Variants in NR3C1 observed in about 807,000 individuals in gnomAD.
NR3C1 encodes the protein nuclear receptor subfamily 3 group C member 1.
NR3C1 carries 14 observed loss-of-function variants against 74.0 expected under a neutral mutation model. The observed-to-expected ratio is 0.19, with a 90% CI of 0.12 to 0.30. The LOEUF is 0.30. Among genes scored for constraint, NR3C1 ranks in the 10% least tolerant of loss-of-function variants. The pLI is 1.00. For synonymous variants in NR3C1, 308 were observed against 332.5 expected, an observed-to-expected ratio of 0.93 and a Z score of 0.80; for missense variants, 695 against 909.8, an observed-to-expected ratio of 0.76 and a Z score of 3.04.
In NR3C1 at chr5:143,354,827, G is replaced by A. The variant is rs150946446; in HGVS notation, c.1185-40659C>T. Among the ~76,000 whole-genome samples the A allele has an allele frequency of 5.3e-3, 811 of 151,646 alleles. 12 individuals carry two copies. The highest frequency in any genetic ancestry group is 0.019 in the African/African-American group (794 of 41,252). On this transcript the variant is annotated intron_variant, in intron 2 of 8. Coordinates refer to ENST00000394464, the MANE Select transcript of NR3C1 (RefSeq NM_000176.3). Reference sequence around the variant, plus strand: ...AGGCCCGGCTACTGGGGAGGCTGAGGCAGGAGGATTGCTTGAACCTGGGAG... The same window carrying A: ...AGGCCCGGCTACTGGGGAGGCTGAGACAGGAGGATTGCTTGAACCTGGGAG...
chr5:143,283,660 A>C (rs1813631969), intron 7 of NR3C1, among the ~76,000 whole-genome samples: 1 of 152,190 alleles, frequency 6.6e-6, no homozygotes, highest in Admixed American at 6.5e-5. Flanking sequence ...CCTTATGTAC[A>C]TGGATTCTGG....
chr5:143,393,006 A>G (rs1000862426), intron 2 of NR3C1, among the ~76,000 whole-genome samples: 12 of 152,126 alleles, frequency 7.9e-5, no homozygotes, highest in African/African-American at 2.9e-4. Context: ...ATGGATCTCA[A>G]TTTCTCATTC....
chr5:143,279,063 G>T lies in NR3C1; in HGVS notation c.*2826C>A. ...TTGTTGTGAGTAACCAACTCTCACTGAAGTTACTACAAACTTCAACAGTTT... is the reference window on the plus strand; with the variant it reads ...TTGTTGTGAGTAACCAACTCTCACTTAAGTTACTACAAACTTCAACAGTTT... On this transcript the variant is annotated 3_prime_UTR_variant, in exon 9 of 9. Transcript: ENST00000394464. 1 of 377,206 alleles carries T rather than the reference G, an allele frequency of 2.7e-6. No individual in the cohort carries two copies. The highest frequency in any genetic ancestry group is 4.7e-6 in the Non-Finnish European group (1 of 211,842). 23.4% of individuals were successfully genotyped at this position (377,206 alleles called of 1,614,324 possible).
At chr5:143,288,801 A>C (rs764918561) in intron 7 of NR3C1, among the ~76,000 whole-genome samples, 13 of 152,102 alleles carry the variant, frequency 8.5e-5, no homozygotes, top group Non-Finnish European at 1.9e-4. Context: ...GAGATTGTCA[A>C]GCTAATTAAA....
At chr5:143,411,272 A>G (rs1841282912) in intron 1 of NR3C1, among the ~76,000 whole-genome samples, 5 of 152,226 alleles carry the variant, frequency 3.3e-5, no homozygotes, top group Admixed American at 3.3e-4. Flanking sequence ...CTAGACTGAC[A>G]GAGTAGAAGA....
intron 2 of NR3C1, among the ~76,000 whole-genome samples, chr5:143,379,331 G>T (rs1835772214): frequency 6.6e-6 from 1 of 152,118 alleles, no homozygotes; most frequent in Non-Finnish European, 1.5e-5. Flanking sequence ...TGCCTATCAG[G>T]AAGATTAACT....
At chr5:143,346,924 A>G (rs1829396613) in intron 2 of NR3C1, among the ~76,000 whole-genome samples, 1 of 152,228 alleles carries the variant, frequency 6.6e-6, no homozygotes, top group Non-Finnish European at 1.5e-5. Context: ...GCTAATGAAA[A>G]TCGACTTCTG....
chr5:143,292,524 T>TA (rs1237037099), intron 7 of NR3C1, among the ~76,000 whole-genome samples: 1 of 152,166 alleles, frequency 6.6e-6, no homozygotes, highest in African/African-American at 2.4e-5. Context: ...CTGCTACGTA[T>TA]TTCCAAATTT....
intron 1 of NR3C1, among the ~76,000 whole-genome samples, chr5:143,431,192 G>A (rs1172280968): frequency 6.6e-6 from 1 of 152,026 alleles, no homozygotes; most frequent in African/African-American, 2.4e-5. Context: ...GGAGCTTCTG[G>A]GGAGAGAGAT....
intron 2 of NR3C1, among the ~76,000 whole-genome samples, chr5:143,384,339 T>C (rs996922796): frequency 4.6e-5 from 7 of 152,288 alleles, no homozygotes; most frequent in Admixed American, 4.6e-4. Context: ...CTAAATCTCA[T>C]GTTCTTACAT....
At position 143,281,530 on chromosome 5, in the gene NR3C1, T is replaced by C; in HGVS notation, c.*359A>G. ...CTAGAAAATTTCATCCAGCCAACTG[T>C]GAAAAAAAGTATGAAGAGAAAGTTC... On this transcript the variant is annotated 3_prime_UTR_variant, in exon 9 of 9. Coordinates refer to ENST00000394464, the MANE Select transcript of NR3C1 (RefSeq NM_000176.3). The C allele has an allele frequency of 4.1e-6, 1 of 244,028 alleles. No homozygotes were observed. The highest frequency in any genetic ancestry group is 8.1e-6 in the Non-Finnish European group (1 of 123,610). 15.1% of individuals were successfully genotyped at this position (244,028 alleles called of 1,614,324 possible).
chr5:143,379,036 A>G lies in NR3C1; in HGVS notation c.1184+20620T>C, dbSNP rs10042038. 4.3e-3 allele frequency among the ~76,000 whole-genome samples: 661 copies of G among 152,304 alleles called. 2 individuals carry two copies. Among genetic ancestry groups the G allele is most frequent in the African/African-American group, 0.015 (632 of 41,562 alleles). On this transcript the variant is annotated intron_variant, in intron 2 of 8. Coordinates refer to ENST00000394464, the MANE Select transcript of NR3C1 (RefSeq NM_000176.3). ...ACCCCAAGGAGACTTTTGGATTTGT[A>G]TCTCTTAACTCTGAGCCTCAACCAT...
At chr5:143,411,765 G>A (rs1020098031) in intron 1 of NR3C1, among the ~76,000 whole-genome samples, 1 of 152,144 alleles carries the variant, frequency 6.6e-6, no homozygotes, top group African/African-American at 2.4e-5. Flanking sequence ...CTCAGGAGCT[G>A]TTAAACATTT....
At chr5:143,316,209 T>G (rs1195180265) in intron 2 of NR3C1, among the ~76,000 whole-genome samples, 1 of 152,194 alleles carries the variant, frequency 6.6e-6, no homozygotes, top group South Asian at 2.1e-4. Flanking sequence ...AGGAAGGTCC[T>G]GGAACAGTGA....
At chr5:143,398,305 A>G (rs1308705348) in intron 2 of NR3C1, among the ~76,000 whole-genome samples, 2 of 151,504 alleles carry the variant, frequency 1.3e-5, no homozygotes, top group Non-Finnish European at 3.0e-5. Context: ...TATTTAAACA[A>G]TAGATTAGGA....
chr5:143,431,623 C>T (rs529331563), intron 1 of NR3C1, among the ~76,000 whole-genome samples: 28 of 152,032 alleles, frequency 1.8e-4, no homozygotes, highest in Non-Finnish European at 3.4e-4. Flanking sequence ...TGTAACAAAC[C>T]GGCACGTTCT....
intron 1 of NR3C1, among the ~76,000 whole-genome samples, chr5:143,428,276 A>T (rs1751636911): frequency 6.6e-6 from 1 of 152,170 alleles, no homozygotes; most frequent in Non-Finnish European, 1.5e-5. Context: ...GCTTGCTTTC[A>T]ATTTCCTTAA....
chr5:143,380,817 T>C (rs62375506), intron 2 of NR3C1, among the ~76,000 whole-genome samples: 1,717 of 152,298 alleles, frequency 0.011, 17 homozygotes, highest in Non-Finnish European at 0.02. Flanking sequence ...TTGAAAGTTA[T>C]GCCATCTGCA....
chr5:143,379,197 G>A (rs150006728), intron 2 of NR3C1, among the ~76,000 whole-genome samples: 3 of 152,306 alleles, frequency 2.0e-5, no homozygotes, highest in Admixed American at 6.5e-5. Context: ...CTTACACCTT[G>A]AATGGAGTGT....
Sources: gnomAD v4.1 joint callset for allele counts (sites outside exome capture counted in the v4.1 genomes callset) on GRCh38, gnomAD v4.1.1 for gene constraint, MANE v1.5 for transcripts, NCBI Gene and HGNC (gene_info 2026-07-23, HGNC 2026-07-21) for gene names.